Variants in OVCH1 observed in about 807,000 individuals in gnomAD.
OVCH1 encodes ovochymase 1, also known as ovochymase-1.
In OVCH1, 139 loss-of-function variants were observed where a neutral mutation model predicts 138.4. The ratio of observed to expected loss-of-function variants is 1.00; its 90% CI spans 0.87 to 1.16. OVCH1 has a LOEUF of 1.16. Among genes scored for constraint, OVCH1 ranks in the 50% most tolerant of loss-of-function variants. The pLI, the probability that OVCH1 is intolerant of heterozygous loss-of-function variation, is 0.00. For missense variants in OVCH1, 1,367 were observed against 1,357.9 expected, an observed-to-expected ratio of 1.01 and a Z score of -0.11; for synonymous variants, 453 against 467.8, an observed-to-expected ratio of 0.97 and a Z score of 0.41.
At chr12:29,434,283 G>A (rs923043169) in intron 26 of OVCH1, among the ~76,000 whole-genome samples, 2 of 152,018 alleles carry the variant, frequency 1.3e-5, no homozygotes, top group African/African-American at 2.4e-5. Flanking sequence ...CTGTATTGTC[G>A]CAATATTCCA....
intron 16 of OVCH1, among the ~76,000 whole-genome samples, chr12:29,468,753 GT>G (rs1242836507): frequency 2.0e-5 from 3 of 152,108 alleles, no homozygotes; most frequent in Non-Finnish European, 4.4e-5. Flanking sequence ...ATGAACTCAT[GT>G]TTAGCTTGAT....
chr12:29,494,888 T>G (rs1159359114), intron 4 of OVCH1, among the ~76,000 whole-genome samples: 1 of 152,162 alleles, frequency 6.6e-6, no homozygotes, highest in African/African-American at 2.4e-5. Flanking sequence ...TAAGACCTGA[T>G]GTTTGATAGA....
intron 4 of OVCH1, among the ~76,000 whole-genome samples, chr12:29,493,129 A>G (rs1002377768): frequency 2.6e-5 from 4 of 152,212 alleles, no homozygotes; most frequent in Admixed American, 1.3e-4. Flanking sequence ...CGAAATTGAC[A>G]TAACTAGTAT....
Position 29,476,788 on chromosome 12 carries a change from CACACACACACACACACACAG to C in OVCH1, c.1377+294_1377+313del, listed in dbSNP as rs1419685252. Among the ~76,000 whole-genome samples the C allele has an allele frequency of 9.9e-3, 1,353 of 136,594 alleles. 23 individuals are homozygous for C. The highest frequency in any genetic ancestry group is 0.015 in the Middle Eastern group (4 of 266). 89.6% of individuals were successfully genotyped at this position (136,594 alleles called of 152,430 possible). A position where few individuals can be genotyped will look rare whatever the true frequency, so the allele number is the denominator to read the frequency against. ...ACACACACACACACACACACACACA[CACACACACACACACACACAG>C]GTTAGTAAATGCTCAAAATACCTCC... On this transcript the variant is annotated intron_variant, in intron 12 of 27. Coordinates refer to ENST00000318184, the Ensembl canonical transcript of OVCH1.
In OVCH1 at chr12:29,433,877, C is replaced by CAAA. The variant is rs148996239; in HGVS notation, c.3265-67_3265-65dup. On this transcript the variant is annotated intron_variant, in intron 26 of 27. Coordinates refer to ENST00000318184, the Ensembl canonical transcript of OVCH1. ...CAAACTGTATTTCAATTAACATGTC[C>CAAA]AAAAAAAAAAGAAACAAAAGGTAAA... 7.0e-5 allele frequency: 79 copies of CAAA among 1,129,772 alleles called. 1 individual carries two copies. The highest frequency in any genetic ancestry group is 2.3e-4 in the Middle Eastern group (1 of 4,438). 70.0% of individuals were successfully genotyped at this position (1,129,772 alleles called of 1,614,324 possible).
intron 3 of OVCH1, among the ~76,000 whole-genome samples, chr12:29,422,530 G>A (rs1231253741): frequency 6.6e-6 from 1 of 152,174 alleles, no homozygotes; most frequent in African/African-American, 2.4e-5. Context: ...GATGGTATGT[G>A]TATTGTTGAA....
At chr12:29,423,328 A>G (rs1437246013), downstream of OVCH1, 1 of 454,714 alleles carries the variant, frequency 2.2e-6, no homozygotes, top group Admixed American at 2.4e-5. Flanking sequence ...CGATAATTAA[A>G]GTACTTTTTC....
intron 19 of OVCH1, among the ~76,000 whole-genome samples, chr12:29,459,637 G>A (rs561037587): frequency 6.6e-6 from 1 of 151,952 alleles, no homozygotes; most frequent in Non-Finnish European, 1.5e-5. Flanking sequence ...CGATATGATT[G>A]GATTGTTTGT....
exon 17 of OVCH1, chr12:29,465,170 T>C: frequency 1.2e-6 from 2 of 1,604,664 alleles, no homozygotes; most frequent in Non-Finnish European, 1.7e-6. Flanking sequence ...TCCTTCAGGT[T>C]TCTGTCATGG....
intron 21 of OVCH1, 44 bp from the exon 22 acceptor site, chr12:29,451,613 A>C (rs770690712): frequency 1.3e-6 from 2 of 1,486,338 alleles, no homozygotes; most frequent in Non-Finnish European, 1.8e-6. Context: ...ACATAAATAA[A>C]GCAAAGAAAA....
intron 3 of OVCH1, among the ~76,000 whole-genome samples, chr12:29,414,233 C>T (rs1941002916): frequency 6.6e-6 from 1 of 152,038 alleles, no homozygotes; most frequent in Non-Finnish European, 1.5e-5. Context: ...ACCATGTTGG[C>T]CAGGCTGGTC....
At chr12:29,447,648 A>C (rs919710372) in intron 22 of OVCH1, among the ~76,000 whole-genome samples, 8 of 152,158 alleles carry the variant, frequency 5.3e-5, no homozygotes, top group African/African-American at 1.7e-4. Flanking sequence ...TTACTGATGA[A>C]ATGAAAGCCA....
chr12:29,487,994 AAGTCCACT>A (rs1943161162), intron 6 of OVCH1, 112 bp from the exon 7 acceptor site: 1 of 1,010,692 alleles, frequency 9.9e-7, no homozygotes, highest in Non-Finnish European at 1.4e-6. Context: ...AGAGGCAAAG[AAGTCCACT>A]AGTCATCGTC....
At chr12:29,409,675 G>A (rs566266850), downstream of OVCH1, among the ~76,000 whole-genome samples, 104 of 152,276 alleles carry the variant, frequency 6.8e-4, no homozygotes, top group Middle Eastern at 6.8e-3. Context: ...CTGAGAGAGA[G>A]TTTGTTATAA....
intron 12 of OVCH1, 112 bp downstream of exon 12, chr12:29,476,990 C>G (rs1942758483): frequency 7.8e-7 from 1 of 1,276,042 alleles, no homozygotes; most frequent in South Asian, 2.0e-5. Context: ...TGGCAAATGG[C>G]TAAAAGAAGC....
the OVCH1 span, among the ~76,000 whole-genome samples, chr12:29,403,487 G>T: frequency 5.5e-4 from 84 of 152,078 alleles, no homozygotes; most frequent in Non-Finnish European, 1.0e-3. Context: ...AAAAAAAGTT[G>T]CCTCAGGCTC....
chr12:29,464,520 T>TC lies in OVCH1; in HGVS notation c.2111dup (p.Ser705LysfsTer26), dbSNP rs1942248451. ...AAATATGCTTACCTGCACTGATGCT[T>TC]CCCCATCCGGTCACAGCACAGATCT... is the stretch of plus-strand genomic sequence containing the variant. On this transcript the variant is annotated frameshift_variant, in exon 18 of 28. Transcript: ENST00000318184. LOFTEE classifies it high-confidence loss of function. 1 of 1,613,218 alleles carries TC rather than the reference T, an allele frequency of 6.2e-7. No homozygotes were observed. Among genetic ancestry groups the TC allele is most frequent in the South Asian group, 1.1e-5 (1 of 91,064 alleles).
chr12:29,444,085 T>C, intron 24 of OVCH1, 60 bp downstream of exon 24: 4 of 1,519,184 alleles, frequency 2.6e-6, no homozygotes, highest in Non-Finnish European at 3.5e-6. Context: ...CAAGTGTTGA[T>C]GTCAGTCAAG....
At chr12:29,445,805 T>G (rs1231556217) in intron 22 of OVCH1, among the ~76,000 whole-genome samples, 2 of 152,086 alleles carry the variant, frequency 1.3e-5, no homozygotes, top group Non-Finnish European at 2.9e-5. Context: ...TTCCCTATAG[T>G]CAGTTTTTTA....
Sources: allele counts gnomAD v4.1 joint callset (sites outside exome capture counted in the v4.1 genomes callset), GRCh38; gene constraint gnomAD v4.1.1; transcripts MANE v1.5; gene names NCBI Gene and HGNC (gene_info 2026-07-23, HGNC 2026-07-21).